PXDN: variants seen among roughly 807,000 people sequenced by gnomAD.
PXDN encodes the protein peroxidasin homolog.
Under a neutral mutation model 140.3 loss-of-function variants are expected in PXDN, and 77 were observed. The observed-to-expected ratio is 0.55, with a 90% CI of 0.46 to 0.66. The LOEUF (loss-of-function observed/expected upper bound fraction) is 0.66, where lower values mean the gene tolerates loss of function less well. Among genes scored for constraint, PXDN ranks in the 30% least tolerant of loss-of-function variants. The pLI, the probability that PXDN is intolerant of heterozygous loss-of-function variation, is 0.00. For synonymous variants in PXDN, 911 were observed against 857.4 expected (o/e 1.06, Z -1.09); for missense variants, 1,838 against 2,039.5 (o/e 0.90, Z 1.90).
rs115891553 is a variant in PXDN at position 1,715,263 on chromosome 2, C to A, written c.201-22129G>T. Among the ~76,000 whole-genome samples the A allele has an allele frequency of 3.8e-3, 585 of 152,170 alleles. 2 individuals carry two copies. Among genetic ancestry groups the A allele is most frequent in the African/African-American group, 0.014 (564 of 41,510 alleles). ...GGGTCATGAGAGGGGAAAGAGCCGA[C>A]GGTCATCTGCTAAAGAACCAGGCAC... On this transcript the variant is annotated intron_variant, in intron 1 of 22. Transcript: ENST00000252804.
At chr2:1,726,321 C>T (rs1248067426) in intron 1 of PXDN, among the ~76,000 whole-genome samples, 46 of 150,598 alleles carry the variant, frequency 3.1e-4, no homozygotes, top group African/African-American at 1.1e-3. Context: ...AGTAAACTAT[C>T]GCAAGAACAA....
chr2:1,731,148 G>A (rs1301674017), intron 1 of PXDN, among the ~76,000 whole-genome samples: 2 of 44,340 alleles, frequency 4.5e-5, no homozygotes, highest in African/African-American at 1.5e-4. Context: ...TTGAGAGCGC[G>A]CGCGCACACA....
chr2:1,639,010 T>G lies in PXDN; in HGVS notation c.4074-32A>C. ...TGAGGGGAAAGGAGGAGGAGGGAAA[T>G]ATAACCTTGGCAGGTCACGCCGGGT... On this transcript the variant is annotated intron_variant, in intron 20 of 22. Transcript: ENST00000252804. This position sits in a 1 kb window ranked among gnomAD's most constrained non-coding sequence, Gnocchi z 5.0. The G allele has an allele frequency of 6.2e-7, 1 of 1,611,402 alleles. No individual in the cohort carries two copies. Among genetic ancestry groups the G allele is most frequent in the East Asian group, 2.2e-5 (1 of 44,776 alleles).
At chr2:1,705,466 C>T (rs1015126704) in intron 1 of PXDN, among the ~76,000 whole-genome samples, 14 of 135,236 alleles carry the variant, frequency 1.0e-4, no homozygotes, top group African/African-American at 3.7e-4. Context: ...GGTGCAGCTG[C>T]CCACGACCTG....
intron 1 of PXDN, among the ~76,000 whole-genome samples, chr2:1,716,461 A>AC: frequency 6.9e-6 from 1 of 145,340 alleles, no homozygotes; most frequent in Middle Eastern, 3.4e-3. Flanking sequence ...AAAAAAAAAA[A>AC]AAAAAAAAAC....
In PXDN at chr2:1,680,027, A is replaced by T. The variant is rs1683850458; in HGVS notation, c.730+166T>A. On this transcript the variant is annotated intron_variant, in intron 7 of 22. Transcript: ENST00000252804. Reference sequence around the variant, plus strand: ...GTGTGTGTGGATGGTGTATGCGTGTATGTGCGTGTGTGTGGTTTGTGTCTG... The same window carrying T: ...GTGTGTGTGGATGGTGTATGCGTGTTTGTGCGTGTGTGTGGTTTGTGTCTG... Among the ~76,000 whole-genome samples, 7 of 138,576 alleles carry T rather than the reference A, an allele frequency of 5.1e-5. No homozygotes were observed. The South Asian group carries it at 1.7e-3, about 33-fold the overall frequency. The allele number at this position is 138,576 out of a possible 152,430, so 90.9% of individuals were successfully genotyped here.
rs575388028 is a variant in PXDN at position 1,654,105 on chromosome 2, T to C, written c.1946+295A>G. ...ATACACTAATGACTTTTAAACTATT[T>C]GTTTTTGCCAAATCATTTAGTCATA... On this transcript the variant is annotated intron_variant, in intron 15 of 22. Transcript: ENST00000252804. 31 of 478,788 alleles carry C rather than the reference T, an allele frequency of 6.5e-5. No individual in the cohort carries two copies. The South Asian group carries it at 1.1e-3, about 18-fold the overall frequency. The allele number at this position is 478,788 out of a possible 1,614,324, so 29.7% of individuals were successfully genotyped here. A position where few individuals can be genotyped will look rare whatever the true frequency, so the allele number is the denominator to read the frequency against.
intron 17 of PXDN, 146 bp from the exon 18 acceptor site, chr2:1,644,898 C>T (rs527933555): frequency 1.8e-5 from 18 of 975,904 alleles, no homozygotes; most frequent in Middle Eastern, 5.7e-4. Flanking sequence ...TACTTCTTTG[C>T]TGCATCTCTC....
At chr2:1,682,038 G>A (rs137881198) in intron 6 of PXDN, among the ~76,000 whole-genome samples, 1 of 152,330 alleles carries the variant, frequency 6.6e-6, no homozygotes, top group African/African-American at 2.4e-5. Flanking sequence ...TTCTCTTGAT[G>A]CAGCTCTGTA....
rs1214678715 is a variant in PXDN, at chr2:1,680,361, G to A, written c.562C>T (p.Arg188Ter). The A allele has an allele frequency of 1.9e-6, 3 of 1,613,812 alleles. No homozygotes were observed. Among genetic ancestry groups the A allele is most frequent in the Non-Finnish European group, 8.5e-7 (1 of 1,179,868 alleles). ...FNHLESMKRLRLDSNTLHCDC... is the reference protein window; with the variant it reads ...FNHLESMKRL ...CAGTGAAGTGTGTTTGAGTCCAGTC[G>A]CCTGTGGGAAGGAAGATGCAGCCGG... The change falls in exon 7 of 23, where the codon CGA becomes TGA. Residue 188 changes from arginine to a stop codon, truncating the protein, a stop_gained and splice_region_variant. Coordinates refer to ENST00000252804, the MANE Select transcript of PXDN (RefSeq NM_012293.3). LOFTEE classifies it high-confidence loss of function.
Position 1,648,334 on chromosome 2 carries a change from G to A in PXDN, c.3446C>T (p.Thr1149Met), listed in dbSNP as rs868152484. 12 of 1,613,790 alleles carry A rather than the reference G, an allele frequency of 7.4e-6. No individual in the cohort carries two copies. The highest frequency in any genetic ancestry group is 5.3e-5 in the African/African-American group (4 of 75,044). ...LTERLFSMAH[T>M]VALDLAAINI... is the part of the protein sequence containing the mutation. The stretch of plus-strand genomic sequence containing the variant: ...GATGGCCGCCAGGTCCAGAGCCACC[G>A]TGTGTGCCATGGAGAACAGCCGCTC... Residue 1149 changes from threonine (T) to methionine (M), a missense_variant, in exon 17 of 23, where the codon ACG becomes ATG. Transcript: ENST00000252804. This position sits in a 1 kb window ranked among gnomAD's most constrained non-coding sequence, Gnocchi z 8.9.
In PXDN at chr2:1,648,225, G is replaced by T; in HGVS notation, c.3555C>A (p.Phe1185Leu). The change falls in exon 17 of 23, where the codon TTC becomes TTA. Residue 1185 changes from phenylalanine to leucine, a missense_variant. By Grantham distance (22) the Phe-to-Leu change is conservative (BLOSUM62 0). Around this residue, in one of 5 missense-constraint regions of PXDN, gnomAD observed 850 missense variants for 894.1 expected, o/e 0.95. Coordinates refer to ENST00000252804, the MANE Select transcript of PXDN (RefSeq NM_012293.3). This position sits in a 1 kb window ranked among gnomAD's most constrained non-coding sequence, Gnocchi z 8.9. ...VYCNLSAAHTFEDLKNEIKNP... is the reference protein window; with the variant it reads ...VYCNLSAAHTLEDLKNEIKNP... ...TTTTAATCTCATTTTTCAGGTCCTCGAACGTGTGTGCCGCCGATAGATTGC... is the reference window on the plus strand; with the variant it reads ...TTTTAATCTCATTTTTCAGGTCCTCTAACGTGTGTGCCGCCGATAGATTGC... 6.2e-7 allele frequency: 1 copy of T among 1,613,750 alleles called. No homozygotes were observed. The highest frequency in any genetic ancestry group is 8.5e-7 in the Non-Finnish European group (1 of 1,179,792).
intron 8 of PXDN, 72 bp downstream of exon 8, chr2:1,676,855 G>T: frequency 1.5e-6 from 2 of 1,377,706 alleles, no homozygotes; most frequent in African/African-American, 1.4e-5. Flanking sequence ...GGTGGGGAGT[G>T]AGGTGTGGTT....
chr2:1,657,889 T>C (rs1216736375), intron 14 of PXDN, among the ~76,000 whole-genome samples: 1 of 126,972 alleles, frequency 7.9e-6, no homozygotes, highest in East Asian at 2.2e-4. Flanking sequence ...GACCGAAACC[T>C]GCCCCTCCTG....
intron 1 of PXDN, among the ~76,000 whole-genome samples, chr2:1,726,564 A>G (rs963471512): frequency 6.6e-6 from 1 of 152,098 alleles, no homozygotes; most frequent in Non-Finnish European, 1.5e-5. Context: ...ATGTACCCTA[A>G]AACTTAAAGT....
intron 1 of PXDN, among the ~76,000 whole-genome samples, chr2:1,702,872 G>A (rs189420936): frequency 6.9e-4 from 105 of 152,164 alleles, no homozygotes; most frequent in African/African-American, 2.4e-3. Flanking sequence ...GGTGATCCAC[G>A]CACCTCGGCC....
chr2:1,738,885 G>A (rs899207387), intron 1 of PXDN, among the ~76,000 whole-genome samples: 2 of 152,172 alleles, frequency 1.3e-5, no homozygotes, highest in Non-Finnish European at 1.5e-5. Flanking sequence ...GATTCATGAC[G>A]TCTGCCCTGC....
chr2:1,686,413 C>T (rs1041699949), intron 4 of PXDN, among the ~76,000 whole-genome samples: 1 of 135,666 alleles, frequency 7.4e-6, no homozygotes, highest in Admixed American at 7.2e-5. Flanking sequence ...CCTCATTCAG[C>T]CTCGTTTCTC....
intron 1 of PXDN, among the ~76,000 whole-genome samples, chr2:1,739,602 T>C (rs943260512): frequency 6.6e-5 from 10 of 152,160 alleles, no homozygotes; most frequent in African/African-American, 2.4e-4. Context: ...GTTAAAGTCA[T>C]GGTGAGAGCC....
Sources: allele counts gnomAD v4.1 joint callset (sites outside exome capture counted in the v4.1 genomes callset), GRCh38; gene constraint gnomAD v4.1.1; regional missense constraint gnomAD v4.1.1; non-coding constraint Gnocchi (gnomAD v3.1); transcripts MANE v1.5; gene names NCBI Gene and HGNC (gene_info 2026-07-23, HGNC 2026-07-21).